The following RAB11FIP4 variants were observed in gnomAD, a reference collection of about 807,000 sequenced individuals.
RAB11FIP4 encodes rab11 family-interacting protein 4.
RAB11FIP4 carries 23 observed loss-of-function variants against 74.3 expected under a neutral mutation model. The ratio of observed to expected loss-of-function variants is 0.31; its 90% CI spans 0.22 to 0.44. RAB11FIP4 has a LOEUF of 0.44. Ranked by LOEUF, RAB11FIP4 falls within the 20% of genes least tolerant of loss-of-function variation. The probability of loss-of-function intolerance (pLI) is 1.00; values close to 1 mark genes in which losing one functional copy is unlikely to be tolerated. For synonymous variants in RAB11FIP4, 360 were observed against 359.9 expected (o/e 1.00, Z 0.00); for missense variants, 630 against 863.9 (o/e 0.73, Z 3.39).
Position 31,442,725 on chromosome 17 carries a change from G to A in RAB11FIP4, c.336+8603G>A, listed in dbSNP as rs145984282. ...CTGTAATCCCAGCACTTTGGGAAGT[G>A]GAGGCAGGTGGATCACCTGAGGTCA... On this transcript the variant is annotated intron_variant, in intron 3 of 14. Transcript: ENST00000621161. 8.4e-4 allele frequency among the ~76,000 whole-genome samples: 128 copies of A among 152,250 alleles called. 2 individuals carry two copies. In the East Asian group the frequency reaches 0.024, roughly 29 times the overall value.
In RAB11FIP4 at chr17:31,427,620, C is replaced by T. The variant is rs1296666171; in HGVS notation, c.160-4193C>T. Among the ~76,000 whole-genome samples, 12 of 152,362 alleles carry T rather than the reference C, an allele frequency of 7.9e-5. No homozygotes were observed. The East Asian group carries it at 1.9e-3, about 24-fold the overall frequency. The stretch of plus-strand genomic sequence containing the variant: ...GGGTCCTCATCAGTCAGTCAGCACT[C>T]TGTGGCCGACTCCACCCTTGACTTG... On this transcript the variant is annotated intron_variant, in intron 1 of 14. Transcript: ENST00000621161.
chr17:31,416,016 A>G (rs927919885), intron 1 of RAB11FIP4, among the ~76,000 whole-genome samples: 1 of 152,010 alleles, frequency 6.6e-6, no homozygotes, highest in Non-Finnish European at 1.5e-5. Context: ...TTATAGATAC[A>G]GAAACTGAGG....
At chr17:31,476,598 G>C (rs748131819) in intron 3 of RAB11FIP4, among the ~76,000 whole-genome samples, 1 of 152,222 alleles carries the variant, frequency 6.6e-6, no homozygotes, top group Non-Finnish European at 1.5e-5. Flanking sequence ...TGGGGCACTA[G>C]GGGGCTTCAC....
chr17:31,502,255 G>GT (rs1178068062), intron 3 of RAB11FIP4, among the ~76,000 whole-genome samples: 2 of 151,220 alleles, frequency 1.3e-5, no homozygotes, highest in Non-Finnish European at 2.9e-5. Context: ...TCAAACCATT[G>GT]TAAGTTGAGG....
intron 3 of RAB11FIP4, among the ~76,000 whole-genome samples, chr17:31,438,834 G>A (rs999754740): frequency 2.6e-5 from 4 of 152,216 alleles, no homozygotes; most frequent in South Asian, 2.1e-4. Context: ...CTTACTTGCC[G>A]GGAGTGGTGG....
chr17:31,527,881 A>G lies in RAB11FIP4; in HGVS notation c.1314A>G (p.Thr438=). 1 of 1,606,914 alleles carries G rather than the reference A, an allele frequency of 6.2e-7. No individual in the cohort carries two copies. The highest frequency in any genetic ancestry group is 1.3e-5 in the African/African-American group (1 of 75,014). ...QLEEENTELR[T]TVTRLKSQTE... is the part of the protein sequence containing the mutation. ...AGGAAGAAAATACAGAGCTTAGAAC[A>G]ACAGTGACTCGGCTCAAGTCTCAAA... Residue 438 remains threonine (T), a synonymous_variant, in exon 11 of 15, where the codon ACA becomes ACG. Coordinates refer to ENST00000621161, the MANE Select transcript of RAB11FIP4 (RefSeq NM_032932.6).
chr17:31,478,246 G>A (rs1269203024), intron 3 of RAB11FIP4, among the ~76,000 whole-genome samples: 14 of 152,114 alleles, frequency 9.2e-5, no homozygotes, highest in Non-Finnish European at 2.9e-5. Context: ...ACCCGCCTTG[G>A]TCTCCCAAAG....
intron 7 of RAB11FIP4, 21 bp downstream of exon 7, chr17:31,522,416 G>A: frequency 6.2e-7 from 1 of 1,612,106 alleles, no homozygotes; most frequent in Non-Finnish European, 8.5e-7. Flanking sequence ...CCTCGAGGGA[G>A]GGCAAATTGA....
intron 3 of RAB11FIP4, among the ~76,000 whole-genome samples, chr17:31,517,318 C>A (rs2072576261): frequency 6.6e-6 from 1 of 151,646 alleles, no homozygotes; most frequent in Admixed American, 6.6e-5. Context: ...GCCTTATGTT[C>A]CCTGCCTCCA....
chr17:31,494,998 T>TC (rs2072086960), intron 3 of RAB11FIP4, among the ~76,000 whole-genome samples: 1 of 152,202 alleles, frequency 6.6e-6, no homozygotes, highest in Non-Finnish European at 1.5e-5. Context: ...AAGGGGAGGA[T>TC]GGCCCTCCAC....
intron 3 of RAB11FIP4, among the ~76,000 whole-genome samples, chr17:31,476,172 CTTTTTTTTTT>C (rs71369069): frequency 9.4e-5 from 6 of 63,532 alleles, no homozygotes; most frequent in Admixed American, 2.6e-4. Flanking sequence ...ATCGACTGAA[CTTTTTTTTTT>C]TTTTTTTTTT....
Position 31,531,599 on chromosome 17 carries a change from T to G in RAB11FIP4, c.1798-17T>G. 1 of 1,579,882 alleles carries G rather than the reference T, an allele frequency of 6.3e-7. No homozygotes were observed. The highest frequency in any genetic ancestry group is 8.7e-7 in the Non-Finnish European group (1 of 1,148,872). ...TCCCAGGCCCAGCCACTGACCCGTC[T>G]TTCCCATTTCCTTCAGCTAATGGAA... On this transcript the variant is annotated splice_polypyrimidine_tract_variant and intron_variant, in intron 14 of 14. Transcript: ENST00000621161.
At chr17:31,439,704 G>A (rs144486348) in intron 3 of RAB11FIP4, among the ~76,000 whole-genome samples, 5 of 152,228 alleles carry the variant, frequency 3.3e-5, no homozygotes, top group Admixed American at 6.5e-5. Flanking sequence ...TCTGCCTCCC[G>A]GGCTCAAGCG....
chr17:31,471,540 A>G (rs530391905), intron 3 of RAB11FIP4, among the ~76,000 whole-genome samples: 1 of 152,260 alleles, frequency 6.6e-6, no homozygotes, highest in Non-Finnish European at 1.5e-5. Flanking sequence ...TCCCCATTTC[A>G]CAGATAACAG....
chr17:31,488,092 C>A (rs2071932427), intron 3 of RAB11FIP4: 1 of 1,015,514 alleles, frequency 9.8e-7, no homozygotes, highest in East Asian at 9.5e-5. Context: ...CGGGCGGGGG[C>A]GGGGCCGCGC....
chr17:31,397,376 G>A (rs1357628947), intron 1 of RAB11FIP4, among the ~76,000 whole-genome samples: 1 of 152,200 alleles, frequency 6.6e-6, no homozygotes, highest in Non-Finnish European at 1.5e-5. Context: ...GCAGTGGCGG[G>A]GGGTGCAGAA....
intron 1 of RAB11FIP4, among the ~76,000 whole-genome samples, chr17:31,397,392 A>G (rs897231082): frequency 1.3e-5 from 2 of 152,296 alleles, no homozygotes; most frequent in East Asian, 3.9e-4. Context: ...CAGAATTGAC[A>G]GGGGCCTGGA....
At chr17:31,492,938 A>C (rs1201342531) in intron 3 of RAB11FIP4, among the ~76,000 whole-genome samples, 1 of 152,002 alleles carries the variant, frequency 6.6e-6, no homozygotes, top group African/African-American at 2.4e-5. Context: ...ACTTTTTCGC[A>C]TGACCTGGAA....
At chr17:31,445,627 C>G (rs1488445324) in intron 3 of RAB11FIP4, among the ~76,000 whole-genome samples, 1 of 132,934 alleles carries the variant, frequency 7.5e-6, no homozygotes, top group Non-Finnish European at 1.5e-5. Flanking sequence ...GCTCTGTCAC[C>G]CAGGCTGGAG....
Sources: gnomAD v4.1 joint callset for allele counts (sites outside exome capture counted in the v4.1 genomes callset) on GRCh38, gnomAD v4.1.1 for gene constraint, MANE v1.5 for transcripts, NCBI Gene and HGNC (gene_info 2026-07-23, HGNC 2026-07-21) for gene names.